FGD4: variants seen among roughly 807,000 people sequenced by gnomAD.
FGD4 encodes the protein FYVE, RhoGEF and PH domain-containing protein 4.
A neutral mutation model predicts 102.0 loss-of-function variants in FGD4; 42 were observed. The ratio of observed to expected loss-of-function variants is 0.41; its 90% CI spans 0.32 to 0.53. The LOEUF is 0.53. Ranked by LOEUF, FGD4 falls within the 20% of genes least tolerant of loss-of-function variation. The pLI, the probability that FGD4 is intolerant of heterozygous loss-of-function variation, is 0.21. For synonymous variants in FGD4, 380 were observed against 375.7 expected (o/e 1.01, Z -0.13); for missense variants, 902 against 1,078.2 (o/e 0.84, Z 2.29).
intron 4 of FGD4, among the ~76,000 whole-genome samples, chr12:32,597,361 G>A (rs1947995395): frequency 6.6e-6 from 1 of 152,226 alleles, no homozygotes; most frequent in Non-Finnish European, 1.5e-5. Context: ...CTTGGTAGCA[G>A]TCAGGATGCC....
rs192414570 is a variant in FGD4, at chr12:32,577,713, A to G, written c.503+1264A>G. On this transcript the variant is annotated intron_variant, in intron 3 of 16. Coordinates refer to ENST00000534526, the MANE Select transcript of FGD4 (RefSeq NM_001370298.3). ...TAGGACCTTTGCTATCTTGAATTAC[A>G]GTGATATTTACTTAGAATGGTTTAA... Among the ~76,000 whole-genome samples the G allele has an allele frequency of 5.8e-4, 88 of 152,342 alleles. 1 individual carries two copies. Among genetic ancestry groups the G allele is most frequent in the African/African-American group, 2.0e-3 (83 of 41,586 alleles).
chr12:32,512,622 A>G (rs1043857875), intron 1 of FGD4, among the ~76,000 whole-genome samples: 1 of 152,202 alleles, frequency 6.6e-6, no homozygotes, highest in African/African-American at 2.4e-5. Context: ...GGAAAGACCC[A>G]GGTGGGTGAG....
At chr12:32,410,848 C>A (rs2136394797) in intron 1 of FGD4, among the ~76,000 whole-genome samples, 1 of 152,088 alleles carries the variant, frequency 6.6e-6, no homozygotes, top group African/African-American at 2.4e-5. Flanking sequence ...CCCCTGGAGC[C>A]TCTGACAGGG....
chr12:32,443,596 T>C (rs370634232), intron 1 of FGD4, among the ~76,000 whole-genome samples: 1 of 148,812 alleles, frequency 6.7e-6, no homozygotes, highest in South Asian at 2.1e-4. Context: ...TGGAGTGCAG[T>C]GGTGCGATCA....
intron 1 of FGD4, among the ~76,000 whole-genome samples, chr12:32,560,896 T>C (rs1944491434): frequency 1.3e-5 from 2 of 152,016 alleles, no homozygotes; most frequent in Admixed American, 1.3e-4. Flanking sequence ...GGTCTTATGT[T>C]GCCCAGGCTG....
intron 2 of FGD4, among the ~76,000 whole-genome samples, chr12:32,575,196 T>A (rs138686430): frequency 2.6e-3 from 402 of 152,280 alleles, no homozygotes; most frequent in African/African-American, 9.0e-3. Flanking sequence ...TTAAGCTGTT[T>A]AGTGTTGTTA....
At chr12:32,587,120 G>A (rs1947105137) in intron 4 of FGD4, among the ~76,000 whole-genome samples, 1 of 148,396 alleles carries the variant, frequency 6.7e-6, no homozygotes, top group Non-Finnish European at 1.5e-5. Flanking sequence ...AATTCTGGAT[G>A]TGGAGGTTGC....
rs755842788 is a variant in FGD4, at chr12:32,600,568, TTTTC to T, written c.1102-686_1102-683del. On this transcript the variant is annotated intron_variant, in intron 5 of 16. Coordinates refer to ENST00000534526, the MANE Select transcript of FGD4 (RefSeq NM_001370298.3). ...GAAGGTTTGGGTTTTTGTTTTTTGT[TTTTC>T]TTTCTTTCTTTCTTTCTTTCTTTTT... 576 of 459,568 alleles carry T rather than the reference TTTTC, an allele frequency of 1.3e-3. 8 individuals are homozygous for T. Among genetic ancestry groups the T allele is most frequent in the African/African-American group, 5.2e-3 (193 of 37,074 alleles). The allele number at this position is 459,568 out of a possible 1,614,324, so 28.5% of individuals were successfully genotyped here. A position where few individuals can be genotyped will look rare whatever the true frequency, so the allele number is the denominator to read the frequency against.
chr12:32,451,390 T>C (rs1009489465), intron 1 of FGD4, among the ~76,000 whole-genome samples: 7 of 152,158 alleles, frequency 4.6e-5, no homozygotes, highest in Non-Finnish European at 7.4e-5. Context: ...AGACCCTGCT[T>C]AAAAGTCCCA....
chr12:32,520,001 T>C (rs1397562233), intron 1 of FGD4, among the ~76,000 whole-genome samples: 1 of 152,064 alleles, frequency 6.6e-6, no homozygotes, highest in African/African-American at 2.4e-5. Context: ...TTAGAGTAAG[T>C]TTTGAAAAAT....
At chr12:32,636,752 A>G (rs1320857206) in intron 15 of FGD4, among the ~76,000 whole-genome samples, 1 of 152,192 alleles carries the variant, frequency 6.6e-6, no homozygotes. Flanking sequence ...AACACTGAGT[A>G]GCACTACCTG....
intron 1 of FGD4, among the ~76,000 whole-genome samples, chr12:32,494,770 C>T (rs909489725): frequency 6.6e-6 from 1 of 152,140 alleles, no homozygotes; most frequent in African/African-American, 2.4e-5. Flanking sequence ...AAGAACTGAA[C>T]CCAACCTGTG....
chr12:32,457,042 CTG>C, intron 1 of FGD4, among the ~76,000 whole-genome samples: 1 of 152,134 alleles, frequency 6.6e-6, no homozygotes, highest in Non-Finnish European at 1.5e-5. Flanking sequence ...ATTCTAAGCT[CTG>C]TAATGAGCAG....
chr12:32,536,593 C>T (rs1942283251), intron 1 of FGD4, among the ~76,000 whole-genome samples: 1 of 152,238 alleles, frequency 6.6e-6, no homozygotes. Flanking sequence ...TCTCCCACCA[C>T]AGCACCTGCT....
At chr12:32,434,062 G>A (rs532181619) in intron 1 of FGD4, among the ~76,000 whole-genome samples, 14 of 152,010 alleles carry the variant, frequency 9.2e-5, no homozygotes, top group Admixed American at 3.3e-4. Flanking sequence ...CACCATGATA[G>A]CCAGGATGGT....
At chr12:32,534,513 T>C in intron 1 of FGD4, 2 of 1,445,820 alleles carry the variant, frequency 1.4e-6, no homozygotes, top group Admixed American at 5.0e-5. Flanking sequence ...GTGGTTTCAT[T>C]TTCTAGTAGA....
In FGD4 at chr12:32,611,258, C is replaced by G; in HGVS notation, c.1724C>G (p.Ser575Ter). The G allele has an allele frequency of 1.2e-6, 2 of 1,614,168 alleles. No homozygotes were observed. Among genetic ancestry groups the G allele is most frequent in the Non-Finnish European group, 1.7e-6 (2 of 1,180,036 alleles). The change falls in exon 10 of 17, where the codon TCA becomes TGA. Residue 575 changes from serine (S) to a stop codon, truncating the protein, a stop_gained. Coordinates refer to ENST00000534526, the MANE Select transcript of FGD4 (RefSeq NM_001370298.3). LOFTEE classifies it high-confidence loss of function. ...QILKLAARNT[S>*]AQERYLFLFN... ...CTCAAACTAGCTGCTCGGAACACTT[C>G]AGCACAAGAACGCTACCTTTTCTTA...
At chr12:32,568,611 A>G (rs1184252460) in intron 2 of FGD4, among the ~76,000 whole-genome samples, 1 of 152,256 alleles carries the variant, frequency 6.6e-6, no homozygotes, top group African/African-American at 2.4e-5. Context: ...AAATTGTCAC[A>G]TAATATCTCA....
At chr12:32,605,483 G>A (rs1000997834) in intron 7 of FGD4, among the ~76,000 whole-genome samples, 2 of 152,054 alleles carry the variant, frequency 1.3e-5, no homozygotes, top group African/African-American at 4.8e-5. Flanking sequence ...ATACTTTTCA[G>A]TGATATCCTA....
Sources: gnomAD v4.1 joint callset for allele counts (sites outside exome capture counted in the v4.1 genomes callset) on GRCh38, gnomAD v4.1.1 for gene constraint, MANE v1.5 for transcripts, NCBI Gene and HGNC (gene_info 2026-07-23, HGNC 2026-07-21) for gene names.